Variants in A1CF observed in about 807,000 individuals in gnomAD.
The protein encoded by A1CF is APOBEC1 complementation factor, also known as APOBEC-1 stimulating protein.
In A1CF, 48 loss-of-function variants were observed where a neutral mutation model predicts 68.9. The ratio of observed to expected loss-of-function variants is 0.70; its 90% CI spans 0.55 to 0.89. The LOEUF (loss-of-function observed/expected upper bound fraction) is 0.89, where lower values mean the gene tolerates loss of function less well. Ranked by LOEUF, A1CF falls within the 40% of genes least tolerant of loss-of-function variation. The probability of loss-of-function intolerance (pLI) is 0.00; values close to 1 mark genes in which losing one functional copy is unlikely to be tolerated. For missense variants in A1CF, 653 were observed against 718.9 expected (o/e 0.91, Z 1.05); for synonymous variants, 272 against 260.4 (o/e 1.04, Z -0.43).
chr10:50,872,194 CAT>C (rs888941607), intron 1 of A1CF, among the ~76,000 whole-genome samples: 3 of 152,044 alleles, frequency 2.0e-5, no homozygotes, highest in African/African-American at 7.2e-5. Flanking sequence ...ACCAAGATAA[CAT>C]TTTTTTGCCT....
chr10:50,871,458 T>A (rs1401506890), intron 1 of A1CF, among the ~76,000 whole-genome samples: 1 of 152,000 alleles, frequency 6.6e-6, no homozygotes, highest in East Asian at 1.9e-4. Context: ...CAATTCTAAT[T>A]TAAAGTCCAA....
intron 1 of A1CF, among the ~76,000 whole-genome samples, chr10:50,879,838 T>G (rs1215828817): frequency 6.6e-6 from 1 of 152,188 alleles, no homozygotes; most frequent in African/African-American, 2.4e-5. Flanking sequence ...CTCTGTGATG[T>G]GGGCCTGTCA....
At chr10:50,825,813 T>A (rs1010649300) in intron 7 of A1CF, among the ~76,000 whole-genome samples, 47 of 152,176 alleles carry the variant, frequency 3.1e-4, no homozygotes, top group Non-Finnish European at 1.5e-5. Context: ...CCTAGGATTG[T>A]CACCTTTTTA....
chr10:50,868,493 T>A (rs1841098247), intron 1 of A1CF, among the ~76,000 whole-genome samples: 1 of 152,160 alleles, frequency 6.6e-6, no homozygotes, highest in Non-Finnish European at 1.5e-5. Context: ...AATATAGCCA[T>A]GAAGACATCA....
At chr10:50,854,901 C>T (rs970429748) in intron 3 of A1CF, among the ~76,000 whole-genome samples, 21 of 151,598 alleles carry the variant, frequency 1.4e-4, no homozygotes, top group African/African-American at 4.8e-4. Context: ...AACAGACTAC[C>T]AATAGGATAA....
At chr10:50,861,848 T>C (rs1157080008) in intron 2 of A1CF, among the ~76,000 whole-genome samples, 1 of 148,466 alleles carries the variant, frequency 6.7e-6, no homozygotes, top group African/African-American at 2.4e-5. Flanking sequence ...GTAATATTAA[T>C]AGTATTTATA....
Position 50,801,639 on chromosome 10 carries a change from G to T in A1CF, c.*5090C>A, listed in dbSNP as rs1375439284. On this transcript the variant is annotated 3_prime_UTR_variant, in exon 13 of 13. Transcript: ENST00000373997. ...TACTTTTTTAAAGATACTGTTTCTT[G>T]GTATCTCCTATTCCCTTAGACAAAG... is the stretch of plus-strand genomic sequence containing the variant. The T allele has an allele frequency of 6.6e-6, 1 of 152,062 alleles. No homozygotes were observed. Among genetic ancestry groups the T allele is most frequent in the Non-Finnish European group, 1.5e-5 (1 of 68,014 alleles). 9.4% of individuals were successfully genotyped at this position (152,062 alleles called of 1,614,324 possible).
chr10:50,845,742 C>T (rs1839969514), intron 3 of A1CF, among the ~76,000 whole-genome samples: 1 of 152,058 alleles, frequency 6.6e-6, no homozygotes, highest in Non-Finnish European at 1.5e-5. Context: ...TGGCTTGAGT[C>T]TAGGAGTTCG....
intron 6 of A1CF, among the ~76,000 whole-genome samples, chr10:50,834,440 C>T (rs1050621185): frequency 1.3e-5 from 2 of 152,014 alleles, no homozygotes; most frequent in Non-Finnish European, 2.9e-5. Flanking sequence ...TAGGAATAAA[C>T]GAGACAGACA....
At chr10:50,875,726 C>T (rs1238478514) in intron 1 of A1CF, among the ~76,000 whole-genome samples, 1 of 152,188 alleles carries the variant, frequency 6.6e-6, no homozygotes, top group Non-Finnish European at 1.5e-5. Context: ...ACTGGACTTA[C>T]CCTGAGCTCA....
chr10:50,841,639 G>A (rs944514854), intron 5 of A1CF, among the ~76,000 whole-genome samples: 2 of 152,126 alleles, frequency 1.3e-5, no homozygotes, highest in African/African-American at 2.4e-5. Context: ...AAATTATTAA[G>A]TTTTGTTTCT....
At chr10:50,826,748 A>G (rs941193437) in intron 7 of A1CF, among the ~76,000 whole-genome samples, 1 of 152,208 alleles carries the variant, frequency 6.6e-6, no homozygotes, top group Non-Finnish European at 1.5e-5. Context: ...ACCAGCTAAC[A>G]TCATAATGAC....
chr10:50,872,434 G>C (rs1841312079), intron 1 of A1CF, among the ~76,000 whole-genome samples: 1 of 152,060 alleles, frequency 6.6e-6, no homozygotes, highest in Admixed American at 6.6e-5. Context: ...CAGATGATTT[G>C]AATTTAGGTA....
chr10:50,840,183 T>A (rs1839707421), intron 5 of A1CF, among the ~76,000 whole-genome samples: 1 of 151,914 alleles, frequency 6.6e-6, no homozygotes, highest in Non-Finnish European at 1.5e-5. Flanking sequence ...AAATTTAAGA[T>A]CTACCCATTT....
At chr10:50,867,197 T>C (rs1227637269) in intron 1 of A1CF, among the ~76,000 whole-genome samples, 2 of 151,900 alleles carry the variant, frequency 1.3e-5, no homozygotes, top group Admixed American at 1.3e-4. Context: ...AAGAAATCAA[T>C]ATATCAAAAA....
rs182045253 is a variant in A1CF, at chr10:50,848,851, G to A, written c.100-4729C>T. ...TTAGTAGCATTTCAAGATTTTACCA[G>A]CTTGCCAGTCACCAGGACCATACCC... is the stretch of plus-strand genomic sequence containing the variant. On this transcript the variant is annotated intron_variant, in intron 3 of 12. Coordinates refer to ENST00000373997, the MANE Select transcript of A1CF (RefSeq NM_014576.4). 2.5e-3 allele frequency among the ~76,000 whole-genome samples: 386 copies of A among 152,204 alleles called. 5 individuals carry two copies. The highest frequency in any genetic ancestry group is 0.022 in the Admixed American group (330 of 15,284).
chr10:50,833,076 C>T (rs1006730010), intron 6 of A1CF, among the ~76,000 whole-genome samples: 2 of 152,182 alleles, frequency 1.3e-5, no homozygotes, highest in Admixed American at 6.5e-5. Flanking sequence ...AAACTTAAAA[C>T]ACCAGTTCCC....
At chr10:50,877,410 C>G (rs575567262) in intron 1 of A1CF, among the ~76,000 whole-genome samples, 3 of 152,206 alleles carry the variant, frequency 2.0e-5, no homozygotes, top group East Asian at 3.9e-4. Context: ...TTTCCTCAGA[C>G]CAATTTGGAG....
intron 3 of A1CF, among the ~76,000 whole-genome samples, chr10:50,851,863 T>G (rs1370354183): frequency 6.6e-6 from 1 of 152,234 alleles, no homozygotes; most frequent in Non-Finnish European, 1.5e-5. Context: ...TCACAGCTGC[T>G]GAAATCCTAT....
Sources: gnomAD v4.1 joint callset for allele counts (sites outside exome capture counted in the v4.1 genomes callset) on GRCh38, gnomAD v4.1.1 for gene constraint, MANE v1.5 for transcripts, NCBI Gene and HGNC (gene_info 2026-07-23, HGNC 2026-07-21) for gene names.